The following OTUD7A variants were observed in gnomAD, a reference collection of about 807,000 sequenced individuals.
OTUD7A encodes OTU deubiquitinase 7A.
Under a neutral mutation model 65.7 loss-of-function variants are expected in OTUD7A, and 12 were observed. The observed-to-expected ratio is 0.18, with a 90% CI of 0.12 to 0.30. The LOEUF is 0.30. OTUD7A is among the 10% of genes least tolerant of loss of function. OTUD7A has a pLI of 1.00. For synonymous variants in OTUD7A, 641 were observed against 586.3 expected, an observed-to-expected ratio of 1.09 and a Z score of -1.35; for missense variants, 1,148 against 1,304.8, an observed-to-expected ratio of 0.88 and a Z score of 1.85.
rs549724500 is a variant in OTUD7A at position 31,501,884 on chromosome 15, G to A, written c.1022-45C>T. ...TGAGGGTGTGAGGAGCAGCCAGCTC[G>A]AGCTGGGAGGGGAGGCCCCTGCATC... On this transcript the variant is annotated intron_variant, in intron 9 of 12. Transcript: ENST00000307050. The A allele has an allele frequency of 1.8e-5, 28 of 1,565,060 alleles. No individual in the cohort carries two copies. The East Asian group carries it at 4.3e-4, about 24-fold the overall frequency.
chr15:31,753,721 T>TATATATATATTATATATATATATATTATA (rs879561188), intron 1 of OTUD7A, among the ~76,000 whole-genome samples: 6 of 106,754 alleles, frequency 5.6e-5, no homozygotes, highest in Non-Finnish European at 1.1e-4. Flanking sequence ...TATATATATA[T>TATATATATATTATATATATATATATTATA]TATATATATA....
chr15:31,718,621 A>T (rs1384576224), intron 1 of OTUD7A, among the ~76,000 whole-genome samples: 8 of 147,244 alleles, frequency 5.4e-5, no homozygotes, highest in Non-Finnish European at 1.2e-4. Flanking sequence ...CAAACACATC[A>T]TGCTTCTCTG....
chr15:31,798,010 T>G (rs1387730854), intron 1 of OTUD7A, among the ~76,000 whole-genome samples: 1 of 152,140 alleles, frequency 6.6e-6, no homozygotes, highest in African/African-American at 2.4e-5. Flanking sequence ...TTTCACTGCG[T>G]CTTCACATGG....
chr15:31,775,856 C>G (rs1895365082), intron 1 of OTUD7A, among the ~76,000 whole-genome samples: 1 of 152,162 alleles, frequency 6.6e-6, no homozygotes, highest in South Asian at 2.1e-4. Flanking sequence ...CAAGCCACAT[C>G]CAGGGGAGAG....
At chr15:31,510,498 T>G (rs2041671259) in intron 8 of OTUD7A, among the ~76,000 whole-genome samples, 3 of 149,140 alleles carry the variant, frequency 2.0e-5, no homozygotes, top group Non-Finnish European at 4.4e-5. Flanking sequence ...TATATCTATA[T>G]GTAACATACA....
chr15:31,483,557 TCCCCGCCGC>T lies in OTUD7A; in HGVS notation c.2530_2538del (p.Ala844_Gly846del). ...GACTTGTGCTCGGCCGCCCCCGCCG[TCCCCGCCGC>T]GCCCGGTAGGGCCCCGGGCACCGCG... On this transcript the variant is annotated inframe_deletion, in exon 13 of 13. Coordinates refer to ENST00000307050, the MANE Select transcript of OTUD7A (RefSeq NM_001382637.1). The T allele has an allele frequency of 7.7e-7, 1 of 1,298,932 alleles. No homozygotes were observed. Among genetic ancestry groups the T allele is most frequent in the South Asian group, 1.9e-5 (1 of 52,674 alleles). The allele number at this position is 1,298,932 out of a possible 1,614,324, so 80.5% of individuals were successfully genotyped here.
intron 1 of OTUD7A, among the ~76,000 whole-genome samples, chr15:31,799,907 T>A: frequency 6.6e-6 from 1 of 152,096 alleles, no homozygotes; most frequent in East Asian, 1.9e-4. Context: ...ACCACTGAGT[T>A]AAAGATCTCT....
intron 1 of OTUD7A, among the ~76,000 whole-genome samples, chr15:31,829,751 T>C (rs1381525412): frequency 1.3e-5 from 2 of 152,226 alleles, no homozygotes; most frequent in East Asian, 1.9e-4. Flanking sequence ...GCACAGGCTG[T>C]GTGGAATGGG....
intron 1 of OTUD7A, among the ~76,000 whole-genome samples, chr15:31,699,709 G>A (rs1893170023): frequency 6.6e-6 from 1 of 152,052 alleles, no homozygotes; most frequent in Non-Finnish European, 1.5e-5. Flanking sequence ...TGTCCACACT[G>A]CTTGCTGTGA....
At position 31,614,840 on chromosome 15, in the gene OTUD7A, G is replaced by T. The variant is rs182507020; in HGVS notation, c.151+40256C>A. ...GAATTTGAAAGAGAATCAAATTATGGGACAATATTAATATACAAGGCAGAA... is the reference window on the plus strand; with the variant it reads ...GAATTTGAAAGAGAATCAAATTATGTGACAATATTAATATACAAGGCAGAA... On this transcript the variant is annotated intron_variant, in intron 3 of 12. Transcript: ENST00000307050. Among the ~76,000 whole-genome samples the T allele has an allele frequency of 2.9e-3, 441 of 152,112 alleles. 5 individuals carry two copies. Among genetic ancestry groups the T allele is most frequent in the African/African-American group, 0.01 (427 of 41,480 alleles).
intron 1 of OTUD7A, among the ~76,000 whole-genome samples, chr15:31,774,581 C>T (rs956098094): frequency 9.9e-5 from 15 of 152,226 alleles, no homozygotes; most frequent in African/African-American, 3.6e-4. Flanking sequence ...ATGTTAGTAT[C>T]AGGCACATAA....
At chr15:31,643,853 C>T (rs888989605) in intron 3 of OTUD7A, among the ~76,000 whole-genome samples, 1 of 152,160 alleles carries the variant, frequency 6.6e-6, no homozygotes, top group Non-Finnish European at 1.5e-5. Context: ...GGCAGAGAGT[C>T]CTTGGCAGAA....
At chr15:31,716,848 G>A (rs1893601264) in intron 1 of OTUD7A, among the ~76,000 whole-genome samples, 2 of 152,284 alleles carry the variant, frequency 1.3e-5, no homozygotes, top group South Asian at 2.1e-4. Flanking sequence ...TTCACCGTGG[G>A]GATGAGCCAC....
chr15:31,630,914 G>A (rs376677115), intron 3 of OTUD7A, among the ~76,000 whole-genome samples: 2 of 152,274 alleles, frequency 1.3e-5, no homozygotes, highest in Admixed American at 6.5e-5. Flanking sequence ...TGCAACCCCT[G>A]CCTTTTTTTG....
At chr15:31,731,343 GATAA>G (rs1183646049) in intron 1 of OTUD7A, among the ~76,000 whole-genome samples, 3 of 152,152 alleles carry the variant, frequency 2.0e-5, no homozygotes, top group Non-Finnish European at 1.5e-5. Context: ...TAGGTGAATG[GATAA>G]ATAAACTGTG....
rs142042011 is a variant in OTUD7A at position 31,484,890 on chromosome 15, G to C, written c.1372-166C>G. 1.3e-5 allele frequency among the ~76,000 whole-genome samples: 2 copies of C among 152,344 alleles called. No homozygotes were observed. Among genetic ancestry groups the C allele is most frequent in the African/African-American group, 4.8e-5 (2 of 41,582 alleles). On this transcript the variant is annotated intron_variant, in intron 12 of 12. Coordinates refer to ENST00000307050, the MANE Select transcript of OTUD7A (RefSeq NM_001382637.1). The surrounding 1 kb of genome is among the most constrained non-coding windows in gnomAD (Gnocchi z 4.5). Reference sequence around the variant, plus strand: ...TGACTGTGACATCCGGATGGGCGGTGCTGAAGGAGCGGATAGGAGTGGGCT... The same window carrying C: ...TGACTGTGACATCCGGATGGGCGGTCCTGAAGGAGCGGATAGGAGTGGGCT...
intron 1 of OTUD7A, among the ~76,000 whole-genome samples, chr15:31,690,203 G>C (rs997379241): frequency 1.3e-5 from 2 of 151,996 alleles, no homozygotes; most frequent in African/African-American, 2.4e-5. Context: ...TTTGATTTTT[G>C]TGTTCTACTT....
intron 8 of OTUD7A, among the ~76,000 whole-genome samples, chr15:31,514,643 A>G (rs541107834): frequency 6.6e-6 from 1 of 152,302 alleles, no homozygotes; most frequent in South Asian, 2.1e-4. Context: ...CAGTCTTCCC[A>G]TATGTCAGCC....
intron 3 of OTUD7A, 67 bp downstream of exon 3, chr15:31,655,029 A>C: frequency 1.9e-6 from 3 of 1,551,920 alleles, no homozygotes; most frequent in Non-Finnish European, 1.7e-6. Context: ...CAGGTATTGG[A>C]AATCTTCTTA....
Sources: gnomAD v4.1 joint callset for allele counts (sites outside exome capture counted in the v4.1 genomes callset) on GRCh38, gnomAD v4.1.1 for gene constraint, Gnocchi (gnomAD v3.1) non-coding constraint, MANE v1.5 for transcripts, NCBI Gene and HGNC (gene_info 2026-07-23, HGNC 2026-07-21) for gene names.